Variants in SLC22A2 observed in about 807,000 individuals in gnomAD.
SLC22A2 encodes organic cation transporter 2.
Under a neutral mutation model 60.5 loss-of-function variants are expected in SLC22A2, and 46 were observed. The observed-to-expected ratio is 0.76, with a 90% CI of 0.60 to 0.97. SLC22A2 has a LOEUF of 0.97. SLC22A2 is among the 50% of genes least tolerant of loss of function. The pLI, the probability that SLC22A2 is intolerant of heterozygous loss-of-function variation, is 0.00. For missense variants in SLC22A2, 701 were observed against 706.6 expected, an observed-to-expected ratio of 0.99 and a Z score of 0.09; for synonymous variants, 303 against 267.0, an observed-to-expected ratio of 1.13 and a Z score of -1.31.
chr6:160,224,299 T>TTC (rs1205566330), intron 10 of SLC22A2, among the ~76,000 whole-genome samples: 1 of 152,020 alleles, frequency 6.6e-6, no homozygotes, highest in Non-Finnish European at 1.5e-5. Context: ...TTATTTTTTT[T>TTC]TTTCTATTAG....
chr6:160,234,435 T>C (rs577580929), intron 9 of SLC22A2, among the ~76,000 whole-genome samples: 1 of 152,288 alleles, frequency 6.6e-6, no homozygotes, highest in East Asian at 1.9e-4. Context: ...GGTGGGTCTT[T>C]CTCTGGCCTC....
At chr6:160,233,756 T>A (rs1782863839) in intron 9 of SLC22A2, among the ~76,000 whole-genome samples, 1 of 151,980 alleles carries the variant, frequency 6.6e-6, no homozygotes, top group African/African-American at 2.4e-5. Flanking sequence ...TTCCTTCAGC[T>A]TAATCTCTCC....
Position 160,243,604 on chromosome 6 carries a change from G to T in SLC22A2, c.1247C>A (p.Ala416Glu). Residue 416 changes from alanine (A) to glutamate (E), a missense_variant, in exon 7 of 11, where the codon GCA becomes GAA. Physicochemically the swap from Ala to Glu is moderately radical, Grantham distance 107. Coordinates refer to ENST00000366953, the MANE Select transcript of SLC22A2 (RefSeq NM_003058.4). ...PWAASNMVAG[A>E]ACLASVFIPG... ...TATAAAAACTGAGGCCAGACAGGCT[G>T]CCCCTGCAACCATATTTGATGCAGC... 1 of 1,613,986 alleles carries T rather than the reference G, an allele frequency of 6.2e-7. No homozygotes were observed. Among genetic ancestry groups the T allele is most frequent in the South Asian group, 1.1e-5 (1 of 91,066 alleles).
In SLC22A2 at chr6:160,249,417, C is replaced by G. The variant is rs140455744; in HGVS notation, c.674-33G>C. The G allele has an allele frequency of 6.1e-5, 96 of 1,578,234 alleles. No individual in the cohort carries two copies. In the African/African-American group the frequency reaches 1.1e-3, roughly 19 times the overall value. ...GAGAATTTGAATGGTTAATGCAATT[C>G]AATACAATAATGAGTTGGCTGTCCA... On this transcript the variant is annotated intron_variant, in intron 3 of 10. Coordinates refer to ENST00000366953, the MANE Select transcript of SLC22A2 (RefSeq NM_003058.4).
At chr6:160,251,857 G>A (rs957932042) in intron 2 of SLC22A2, among the ~76,000 whole-genome samples, 2 of 152,150 alleles carry the variant, frequency 1.3e-5, no homozygotes, top group Non-Finnish European at 2.9e-5. Context: ...TATTTTGGAA[G>A]AGTAATATTT....
At chr6:160,225,605 G>A (rs1043399896) in intron 9 of SLC22A2, among the ~76,000 whole-genome samples, 3 of 152,188 alleles carry the variant, frequency 2.0e-5, no homozygotes, top group African/African-American at 7.2e-5. Flanking sequence ...GCCTTGGGAA[G>A]TTCTGTAATC....
intron 9 of SLC22A2, among the ~76,000 whole-genome samples, chr6:160,227,856 C>G (rs1247043500): frequency 6.6e-6 from 1 of 152,170 alleles, no homozygotes; most frequent in South Asian, 2.1e-4. Context: ...TATAACCCAC[C>G]AAAACCAAGA....
At chr6:160,255,739 G>C (rs1282749636) in intron 2 of SLC22A2, among the ~76,000 whole-genome samples, 1 of 152,158 alleles carries the variant, frequency 6.6e-6, no homozygotes, top group East Asian at 1.9e-4. Context: ...AATAAACGGT[G>C]TTATGAATAT....
rs1225317473 is a variant in SLC22A2, at chr6:160,258,335, C to T, written c.414+9G>A. 2 of 1,594,982 alleles carry T rather than the reference C, an allele frequency of 1.3e-6. No homozygotes were observed. Among genetic ancestry groups the T allele is most frequent in the African/African-American group, 1.3e-5 (1 of 74,490 alleles). The stretch of plus-strand genomic sequence containing the variant: ...CTTCTCCATCTGAGCCCTGAGCTCA[C>T]TCTCTTACCTCGGTGACGATGGACG... On this transcript the variant is annotated intron_variant, in intron 1 of 10. Transcript: ENST00000366953.
At position 160,244,406 on chromosome 6, in the gene SLC22A2, T is replaced by C. The variant is rs1783059489; in HGVS notation, c.1065-620A>G. The C allele has an allele frequency of 2.0e-5, 3 of 152,464 alleles. No individual in the cohort carries two copies. In the South Asian group the frequency reaches 6.2e-4, roughly 32 times the overall value. The allele number at this position is 152,464 out of a possible 1,614,324, so 9.4% of individuals were successfully genotyped here. A position where few individuals can be genotyped will look rare whatever the true frequency, so the allele number is the denominator to read the frequency against. ...TGGAATGATTTATTTAGTAAAACTA[T>C]ATCAAGTTATTAGTGGTTGTGAGTT... On this transcript the variant is annotated intron_variant, in intron 6 of 10. Coordinates refer to ENST00000366953, the MANE Select transcript of SLC22A2 (RefSeq NM_003058.4).
chr6:160,241,834 A>G lies in SLC22A2; in HGVS notation c.1389-248T>C, dbSNP rs147116719. The stretch of plus-strand genomic sequence containing the variant: ...AAAAACACCAAAAATAAAATGTTCA[A>G]GAGTTTAAAAAAACATTCACGTTAT... On this transcript the variant is annotated intron_variant, in intron 8 of 10. Coordinates refer to ENST00000366953, the MANE Select transcript of SLC22A2 (RefSeq NM_003058.4). 3.2e-3 allele frequency among the ~76,000 whole-genome samples: 490 copies of G among 152,006 alleles called. 4 individuals are homozygous for G. Among genetic ancestry groups the G allele is most frequent in the African/African-American group, 0.011 (451 of 41,412 alleles).
At chr6:160,236,567 T>G (rs1426087706) in intron 9 of SLC22A2, among the ~76,000 whole-genome samples, 1 of 152,244 alleles carries the variant, frequency 6.6e-6, no homozygotes, top group African/African-American at 2.4e-5. Context: ...ATCTGTTTTC[T>G]TTTGCAACAG....
rs778128168 is a variant in SLC22A2, at chr6:160,258,794, T to C, written c.-37A>G. 1 of 1,507,984 alleles carries C rather than the reference T, an allele frequency of 6.6e-7. No individual in the cohort carries two copies. The highest frequency in any genetic ancestry group is 2.2e-5 in the Admixed American group (1 of 44,470). The allele number at this position is 1,507,984 out of a possible 1,614,324, so 93.4% of individuals were successfully genotyped here. On this transcript the variant is annotated 5_prime_UTR_variant, in exon 1 of 11. Transcript: ENST00000366953. ...CAGGAGGGCCCGAGGCTGCCCGACG[T>C]GCCCGGAGCGAGGCTGAGAGCGGCT...
At chr6:160,219,729 C>T (rs960714522) in intron 10 of SLC22A2, among the ~76,000 whole-genome samples, 2 of 152,070 alleles carry the variant, frequency 1.3e-5, no homozygotes, top group Non-Finnish European at 2.9e-5. Context: ...TCCAGACTAC[C>T]ACAATAAAGT....
rs368040619 is a variant in SLC22A2, at chr6:160,258,472, A to G, written c.286T>C (p.Trp96Arg). The change falls in exon 1 of 11, where the codon TGG becomes CGG. Residue 96 changes from tryptophan to arginine, a missense_variant. Coordinates refer to ENST00000366953, the MANE Select transcript of SLC22A2 (RefSeq NM_003058.4). ...ACGCAGTCGAAGGTGCTCTGGTTCC[A>G]GTCCACCTCGTAGCGCCTACACTGT... ...PRQCRRYEVD[W>R]NQSTFDCVDP... 23 of 1,614,152 alleles carry G rather than the reference A, an allele frequency of 1.4e-5. No homozygotes were observed. The highest frequency in any genetic ancestry group is 1.9e-5 in the Non-Finnish European group (23 of 1,180,022).
In SLC22A2 at chr6:160,245,517, T is replaced by C; in HGVS notation, c.986A>G (p.Lys329Arg). The C allele has an allele frequency of 6.2e-7, 1 of 1,611,498 alleles. No individual in the cohort carries two copies. The highest frequency in any genetic ancestry group is 8.5e-7 in the Non-Finnish European group (1 of 1,178,500). ...GTCAAGAAATGAAGGGTTCAATTTC[T>C]TGCCAGTTTCCTCTTCAAGTCTCAG... The part of the protein sequence containing the change: ...QRLRLEEETG[K>R]KLNPSFLDLV... Residue 329 changes from lysine to arginine, a missense_variant, in exon 6 of 11, where the codon AAG becomes AGG. Lys to Arg is a conservative substitution (Grantham distance 26, BLOSUM62 2). Transcript: ENST00000366953.
At chr6:160,240,616 C>T (rs1415642961) in intron 9 of SLC22A2, among the ~76,000 whole-genome samples, 5 of 152,302 alleles carry the variant, frequency 3.3e-5, no homozygotes, top group African/African-American at 1.2e-4. Flanking sequence ...GACTCAACCT[C>T]CAGGCTTAGT....
chr6:160,242,427 A>T, intron 7 of SLC22A2, 25 bp from the exon 8 acceptor site: 1 of 1,205,722 alleles, frequency 8.3e-7, no homozygotes, highest in Non-Finnish European at 1.2e-6. Flanking sequence ...AACAGTACTT[A>T]TCCGTACACA....
chr6:160,253,180 G>A (rs942392080), intron 2 of SLC22A2, among the ~76,000 whole-genome samples: 5 of 152,140 alleles, frequency 3.3e-5, no homozygotes, highest in Admixed American at 2.0e-4. Context: ...TGTGGAGCAG[G>A]GATATTCCAT....
Sources: allele counts gnomAD v4.1 joint callset (sites outside exome capture counted in the v4.1 genomes callset), GRCh38; gene constraint gnomAD v4.1.1; transcripts MANE v1.5; gene names NCBI Gene and HGNC (gene_info 2026-07-23, HGNC 2026-07-21).